The following PGAP2 variants were observed in gnomAD, a reference collection of about 807,000 sequenced individuals.
PGAP2 encodes post-GPI attachment to proteins 2, also known as acyltransferase PGAP2.
In PGAP2, 21 loss-of-function variants were observed where a neutral mutation model predicts 33.2. The ratio of observed to expected loss-of-function variants is 0.63; its 90% confidence interval spans 0.45 to 0.91. The LOEUF is 0.91. PGAP2 is among the 40% of genes least tolerant of loss of function. PGAP2 has a pLI of 0.00. For missense variants in PGAP2, 345 were observed against 424.0 expected (o/e 0.81, Z 1.64); for synonymous variants, 161 against 172.9 (o/e 0.93, Z 0.54).
intron 3 of PGAP2, among the ~76,000 whole-genome samples, chr11:3,821,911 A>AG (rs1474203520): frequency 1.1e-3 from 174 of 151,644 alleles, no homozygotes; most frequent in Middle Eastern, 3.4e-3. Context: ...AAAAAAAAAA[A>AG]AAAATCCAAA....
intron 6 of PGAP2, 77 bp from the exon 7 acceptor site, chr11:3,825,251 T>C: frequency 6.4e-7 from 1 of 1,561,710 alleles, no homozygotes; most frequent in Non-Finnish European, 8.8e-7. Flanking sequence ...AGACCAATGG[T>C]GGTGTGATTT....
intron 2 of PGAP2, among the ~76,000 whole-genome samples, chr11:3,814,206 G>A (rs141829183): frequency 2.4e-3 from 360 of 152,266 alleles, no homozygotes; most frequent in Non-Finnish European, 2.8e-3. Flanking sequence ...TCCCCAGGTA[G>A]CCTGTTCTAA....
chr11:3,824,188 C>T, intron 4 of PGAP2, 53 bp downstream of exon 4: 1 of 1,612,750 alleles, frequency 6.2e-7, no homozygotes, highest in Non-Finnish European at 8.5e-7. Flanking sequence ...GGGGACGGGC[C>T]TGCCCCTACC....
At chr11:3,807,818 C>T (rs536458236), upstream of PGAP2, among the ~76,000 whole-genome samples, 6 of 152,294 alleles carry the variant, frequency 3.9e-5, no homozygotes, top group Admixed American at 3.9e-4. Flanking sequence ...CCTTCACCCT[C>T]CTTCCCTGTT....
chr11:3,824,037 CCTG>C lies in PGAP2; in HGVS notation c.506_508del (p.Cys169del). On this transcript the variant is annotated inframe_deletion, in exon 4 of 7. Coordinates refer to ENST00000278243, the MANE Select transcript of PGAP2 (RefSeq NM_014489.4). The stretch of plus-strand genomic sequence containing the variant: ...TACCTCAGCTGCACCTCCCCGTGTT[CCTG>C]CTATCGCCCGCTCTGCCGCCTCAAC... The C allele has an allele frequency of 6.2e-7, 1 of 1,614,182 alleles. No homozygotes were observed. The highest frequency in any genetic ancestry group is 8.5e-7 in the Non-Finnish European group (1 of 1,180,028).
intron 2 of PGAP2, among the ~76,000 whole-genome samples, chr11:3,812,284 C>G (rs891991832): frequency 3.3e-5 from 5 of 152,140 alleles, no homozygotes; most frequent in Non-Finnish European, 2.9e-5. Context: ...AATTGATTAG[C>G]TGGGCATGGG....
chr11:3,814,850 C>A (rs2086621066), intron 2 of PGAP2, among the ~76,000 whole-genome samples: 1 of 139,046 alleles, frequency 7.2e-6, no homozygotes, highest in South Asian at 2.3e-4. Flanking sequence ...TTCTTTCTTT[C>A]CTTCTTTCTT....
upstream of PGAP2, among the ~76,000 whole-genome samples, chr11:3,806,081 C>T (rs2084282866): frequency 6.6e-6 from 1 of 152,012 alleles, no homozygotes; most frequent in African/African-American, 2.4e-5. Context: ...CCCAAATCAC[C>T]AGAGAATTAA....
chr11:3,810,233 G>A (rs953394239), intron 1 of PGAP2, among the ~76,000 whole-genome samples: 1 of 152,150 alleles, frequency 6.6e-6, no homozygotes, highest in African/African-American at 2.4e-5. Flanking sequence ...GTGAACAGGT[G>A]CCTCTTCTGC....
In PGAP2 at chr11:3,824,093, G is replaced by A. The variant is rs1274907993; in HGVS notation, c.559G>A (p.Ala187Thr). Residue 187 changes from alanine to threonine, a missense_variant, in exon 4 of 7, where the codon GCG (alanine) becomes ACG (threonine). This residue lies in a region of PGAP2 where 311 missense variants were observed against 353.6 expected (regional missense o/e 0.88). Coordinates refer to ENST00000278243, the MANE Select transcript of PGAP2 (RefSeq NM_014489.4). ...NFGLNVVENL[A>T]LLVLTYVSSS... Reference sequence around the variant, plus strand: ...CGGCCTCAATGTCGTGGAGAACCTCGCGTTGCTAGTGCTCACTTATGTCTC... The same window carrying A: ...CGGCCTCAATGTCGTGGAGAACCTCACGTTGCTAGTGCTCACTTATGTCTC... 6.8e-6 allele frequency: 11 copies of A among 1,614,044 alleles called. No individual in the cohort carries two copies. The Admixed American group carries it at 1.5e-4, about 22-fold the overall frequency.
rs551237866 is a variant in PGAP2, at chr11:3,800,906, G to A, written c.139+2924G>A. 2.5e-4 allele frequency among the ~76,000 whole-genome samples: 38 copies of A among 152,018 alleles called. No homozygotes were observed. In the South Asian group the frequency reaches 7.9e-3, roughly 32 times the overall value. ...CCAGCACTTTTGGAGGCTGAAGCAGGTGGATCACCTGAGGTCAGGAGTTCG... is the reference window on the plus strand; with the variant it reads ...CCAGCACTTTTGGAGGCTGAAGCAGATGGATCACCTGAGGTCAGGAGTTCG... On this transcript the variant is annotated intron_variant, in intron 1 of 6. Coordinates refer to the PGAP2 transcript ENST00000300730.
At chr11:3,822,232 C>T (rs4910846) in intron 3 of PGAP2, among the ~76,000 whole-genome samples, 14,135 of 151,926 alleles carry the variant, frequency 0.093, 906 homozygotes, top group Middle Eastern at 0.16. Context: ...GGCGTGGTGA[C>T]GGGCGCCTGT....
chr11:3,807,855 G>C (rs2084704029), upstream of PGAP2, among the ~76,000 whole-genome samples: 1 of 152,184 alleles, frequency 6.6e-6, no homozygotes, highest in African/African-American at 2.4e-5. Context: ...TGCAAAGGGA[G>C]CCAGGGGTCC....
intron 1 of PGAP2, among the ~76,000 whole-genome samples, chr11:3,801,162 AAAAG>A (rs2083391763): frequency 6.6e-6 from 1 of 152,050 alleles, no homozygotes; most frequent in Non-Finnish European, 1.5e-5. Flanking sequence ...AAAGGAAAGA[AAAAG>A]AAATTTGGGC....
At chr11:3,823,536 C>T in intron 3 of PGAP2, 1 of 1,485,010 alleles carries the variant, frequency 6.7e-7, no homozygotes, top group Non-Finnish European at 9.1e-7. Context: ...GGAACTCACC[C>T]AGGGTCTTAG....
Position 3,824,290 on chromosome 11 carries a change from A to G in PGAP2, c.622A>G (p.Ile208Val). 6.2e-7 allele frequency: 1 copy of G among 1,614,110 alleles called. No individual in the cohort carries two copies. The highest frequency in any genetic ancestry group is 2.2e-5 in the East Asian group (1 of 44,872). Reference sequence around the variant, plus strand: ...TCCAGCCATCCACGAAAATGCTTTCATTGTGTTCATTGCCTCATCCCTCGG... The same window carrying G: ...TCCAGCCATCCACGAAAATGCTTTCGTTGTGTTCATTGCCTCATCCCTCGG... ...EDFTIHENAF[I>V]VFIASSLGHM... The change falls in exon 5 of 7, where the codon ATT (isoleucine) becomes GTT (valine). Residue 208 changes from isoleucine (I) to valine (V), a missense_variant. Transcript: ENST00000278243.
chr11:3,819,071 C>T (rs181709809), intron 3 of PGAP2, among the ~76,000 whole-genome samples: 1 of 152,278 alleles, frequency 6.6e-6, no homozygotes, highest in Admixed American at 6.5e-5. Context: ...TATTTAGAGA[C>T]AGGATCTCAC....
Position 3,797,878 on chromosome 11 carries a change from G to C in PGAP2, c.35G>C (p.Gly12Ala), listed in dbSNP as rs771751020. 8.1e-5 allele frequency: 126 copies of C among 1,550,202 alleles called. No homozygotes were observed. The highest frequency in any genetic ancestry group is 1.3e-5 in the Non-Finnish European group (15 of 1,146,390). Residue 12 changes from glycine (G) to alanine (A), a missense_variant, in exon 1 of 7, where the codon GGA (glycine) becomes GCA (alanine). Physicochemically the swap from Gly to Ala is moderately conservative, Grantham distance 60 (BLOSUM62 0). Coordinates refer to the PGAP2 transcript ENST00000300730. Reference sequence around the variant, plus strand: ...TTGGGAAGCACCGGCGGGGTGTCGGGAAGGGTGGTGACGCAACATAGAGAC... The same window carrying C: ...TTGGGAAGCACCGGCGGGGTGTCGGCAAGGGTGGTGACGCAACATAGAGAC...
At chr11:3,797,916 C>T (rs2082778974) in exon 1 of PGAP2, 1 of 1,548,192 alleles carries the variant, frequency 6.5e-7, no homozygotes, top group African/African-American at 1.4e-5. Flanking sequence ...CGCCCCCTTC[C>T]TTGGAGCGCC....
Sources: gnomAD v4.1 joint callset for allele counts (sites outside exome capture counted in the v4.1 genomes callset) on GRCh38, gnomAD v4.1.1 for gene constraint, gnomAD v4.1.1 regional missense constraint, MANE v1.5 for transcripts, NCBI Gene and HGNC (gene_info 2026-07-23, HGNC 2026-07-21) for gene names.